Variants in DOCK4 observed in about 807,000 individuals in gnomAD.
DOCK4 encodes dedicator of cytokinesis 4.
Under a neutral mutation model 268.1 loss-of-function variants are expected in DOCK4, and 97 were observed. The ratio of observed to expected loss-of-function variants is 0.36; its 90% CI spans 0.31 to 0.43. DOCK4 has a LOEUF of 0.43. Ranked by LOEUF, DOCK4 falls within the 20% of genes least tolerant of loss-of-function variation. The pLI, the probability that DOCK4 is intolerant of heterozygous loss-of-function variation, is 1.00. For synonymous variants in DOCK4, 954 were observed against 887.2 expected (o/e 1.08, Z -1.34); for missense variants, 2,145 against 2,455.7 (o/e 0.87, Z 2.67).
At chr7:112,197,485 T>C (rs1469364351) in intron 1 of DOCK4, among the ~76,000 whole-genome samples, 7 of 152,176 alleles carry the variant, frequency 4.6e-5, no homozygotes, top group Non-Finnish European at 7.4e-5. Context: ...CAATCTGGCA[T>C]GAAATATTTG....
chr7:111,915,232 T>A (rs896678217), intron 13 of DOCK4, among the ~76,000 whole-genome samples: 2 of 152,194 alleles, frequency 1.3e-5, no homozygotes, highest in African/African-American at 4.8e-5. Context: ...TTAACCCACA[T>A]CTTTTCTACT....
intron 1 of DOCK4, among the ~76,000 whole-genome samples, chr7:112,077,499 T>A (rs978573600): frequency 6.6e-6 from 1 of 152,140 alleles, no homozygotes; most frequent in Non-Finnish European, 1.5e-5. Context: ...TTACGCATCA[T>A]TTCTACAGTG....
intron 26 of DOCK4, among the ~76,000 whole-genome samples, chr7:111,823,978 A>G (rs1802207538): frequency 6.6e-6 from 1 of 152,218 alleles, no homozygotes; most frequent in South Asian, 2.1e-4. Context: ...AAATATTTTG[A>G]CAAGAACTTA....
chr7:112,133,322 C>T lies in DOCK4; in HGVS notation c.37+72780G>A, dbSNP rs536311264. Among the ~76,000 whole-genome samples, 4 of 152,282 alleles carry T rather than the reference C, an allele frequency of 2.6e-5. No homozygotes were observed. The East Asian group carries it at 7.7e-4, about 29-fold the overall frequency. On this transcript the variant is annotated intron_variant, in intron 1 of 52. Coordinates refer to ENST00000428084, the MANE Select transcript of DOCK4 (RefSeq NM_001363540.2). ...AGAGAGAATTTACTGTTCCACTCCA[C>T]AAATGTTCTTATTATGAGCTTTTTC...
intron 10 of DOCK4, among the ~76,000 whole-genome samples, chr7:111,940,755 A>G (rs947523527): frequency 3.9e-5 from 6 of 152,194 alleles, no homozygotes; most frequent in African/African-American, 1.4e-4. Flanking sequence ...TTGTCACCAA[A>G]ATGGTTTTAA....
chr7:111,740,603 C>T (rs529408180), intron 47 of DOCK4, among the ~76,000 whole-genome samples: 5 of 150,664 alleles, frequency 3.3e-5, no homozygotes, highest in Non-Finnish European at 7.4e-5. Flanking sequence ...CGTGGTGGTA[C>T]ACACCTGTAA....
intron 1 of DOCK4, among the ~76,000 whole-genome samples, chr7:112,196,461 G>C (rs1820455076): frequency 1.3e-5 from 2 of 152,124 alleles, no homozygotes; most frequent in South Asian, 4.1e-4. Flanking sequence ...TGGTGAAGTG[G>C]CATCTTCTAT....
At position 112,152,766 on chromosome 7, in the gene DOCK4, T is replaced by C. The variant is rs544306137; in HGVS notation, c.37+53336A>G. Among the ~76,000 whole-genome samples, 10 of 152,220 alleles carry C rather than the reference T, an allele frequency of 6.6e-5. No individual in the cohort carries two copies. The South Asian group carries it at 2.1e-3, about 32-fold the overall frequency. ...CTCCCAAAGCACTGGGATTATAGGCTTGAGCCACTGCATCCAGCCTAAAGT... is the reference window on the plus strand; with the variant it reads ...CTCCCAAAGCACTGGGATTATAGGCCTGAGCCACTGCATCCAGCCTAAAGT... On this transcript the variant is annotated intron_variant, in intron 1 of 52. Coordinates refer to ENST00000428084, the MANE Select transcript of DOCK4 (RefSeq NM_001363540.2).
At chr7:112,200,274 T>C (rs1820797565) in intron 1 of DOCK4, among the ~76,000 whole-genome samples, 1 of 152,158 alleles carries the variant, frequency 6.6e-6, no homozygotes, top group African/African-American at 2.4e-5. Context: ...TATATGTGTG[T>C]GGGGTGGTAC....
intron 13 of DOCK4, among the ~76,000 whole-genome samples, chr7:111,906,731 G>C (rs1390624212): frequency 6.6e-6 from 1 of 152,134 alleles, no homozygotes; most frequent in Non-Finnish European, 1.5e-5. Flanking sequence ...AGGGGGAAGG[G>C]TCAGAATTAG....
chr7:111,847,245 A>C, intron 23 of DOCK4, 119 bp from the exon 24 acceptor site: 1 of 1,262,086 alleles, frequency 7.9e-7, no homozygotes, highest in Non-Finnish European at 1.1e-6. Flanking sequence ...ATGTAGTTAC[A>C]AAGGTATTAG....
intron 23 of DOCK4, among the ~76,000 whole-genome samples, chr7:111,862,280 C>G (rs1805600391): frequency 6.6e-6 from 1 of 151,786 alleles, no homozygotes; most frequent in East Asian, 1.9e-4. Context: ...GCCTGGGCAA[C>G]AGAGCAAGAC....
chr7:111,961,936 T>C (rs1305798465), intron 8 of DOCK4, among the ~76,000 whole-genome samples: 1 of 152,220 alleles, frequency 6.6e-6, no homozygotes, highest in Non-Finnish European at 1.5e-5. Flanking sequence ...AAAACATTAA[T>C]AAATTTTAAG....
At chr7:111,754,011 C>A (rs998699376) in intron 42 of DOCK4, among the ~76,000 whole-genome samples, 1 of 152,142 alleles carries the variant, frequency 6.6e-6, no homozygotes, top group Non-Finnish European at 1.5e-5. Context: ...AGGGCTAGGA[C>A]CATTGATGAG....
chr7:111,808,661 T>G (rs921707923), intron 30 of DOCK4, 160 bp downstream of exon 30: 10 of 657,282 alleles, frequency 1.5e-5, no homozygotes, highest in Non-Finnish European at 2.5e-5. Flanking sequence ...TGTTGTAACC[T>G]CATTCAATGC....
intron 1 of DOCK4, among the ~76,000 whole-genome samples, chr7:112,106,527 G>A (rs1005962225): frequency 3.9e-5 from 6 of 152,186 alleles, no homozygotes; most frequent in Admixed American, 2.6e-4. Context: ...TCTACACCAC[G>A]GTGGATGGCA....
chr7:111,846,310 A>C (rs540810020), intron 24 of DOCK4, among the ~76,000 whole-genome samples: 1 of 152,384 alleles, frequency 6.6e-6, no homozygotes, highest in East Asian at 1.9e-4. Flanking sequence ...GCATATTGGC[A>C]GAAGTGGAAC....
At chr7:111,760,999 T>C (rs1317824041) in intron 39 of DOCK4, among the ~76,000 whole-genome samples, 3 of 152,048 alleles carry the variant, frequency 2.0e-5, no homozygotes, top group Admixed American at 1.3e-4. Context: ...CATATAAGCT[T>C]GAGAGGTAGT....
intron 13 of DOCK4, among the ~76,000 whole-genome samples, chr7:111,914,061 T>TA (rs1792377366): frequency 6.6e-6 from 1 of 152,108 alleles, no homozygotes. Context: ...GCTCAGGTGT[T>TA]ACCTCCTCAG....
Sources: gnomAD v4.1 joint callset for allele counts (sites outside exome capture counted in the v4.1 genomes callset) on GRCh38, gnomAD v4.1.1 for gene constraint, MANE v1.5 for transcripts, NCBI Gene and HGNC (gene_info 2026-07-23, HGNC 2026-07-21) for gene names.